SLC35F4: variants seen among roughly 807,000 people sequenced by gnomAD.
SLC35F4 encodes the protein solute carrier family 35 member F4.
In SLC35F4, 24 loss-of-function variants were observed where a neutral mutation model predicts 44.2. That is an observed-to-expected ratio of 0.54 (90% CI 0.39 to 0.76). The LOEUF (loss-of-function observed/expected upper bound fraction) is 0.76. SLC35F4 is among the 30% of genes least tolerant of loss of function. The pLI is 0.00. For synonymous variants in SLC35F4, 238 were observed against 223.6 expected, an observed-to-expected ratio of 1.06 and a Z score of -0.57; for missense variants, 562 against 586.1, an observed-to-expected ratio of 0.96 and a Z score of 0.42.
At chr14:57,773,763 T>C (rs1723915606) in intron 1 of SLC35F4, among the ~76,000 whole-genome samples, 2 of 152,214 alleles carry the variant, frequency 1.3e-5, no homozygotes, top group African/African-American at 4.8e-5. Flanking sequence ...TTCAGGTTAC[T>C]GTGAAAGTAC....
chr14:57,957,562 G>A (rs1202224848), intron 1 of SLC35F4, among the ~76,000 whole-genome samples: 1 of 152,114 alleles, frequency 6.6e-6, no homozygotes, highest in Admixed American at 6.5e-5. Context: ...AGACATGTAA[G>A]GAGCAGTGGA....
chr14:57,605,907 C>T (rs2071135253), intron 1 of SLC35F4, among the ~76,000 whole-genome samples: 1 of 152,084 alleles, frequency 6.6e-6, no homozygotes, highest in Non-Finnish European at 1.5e-5. Context: ...GGGAGCTAAA[C>T]ATTGTGTAGA....
intron 1 of SLC35F4, among the ~76,000 whole-genome samples, chr14:57,841,089 A>C (rs1174571588): frequency 3.3e-5 from 5 of 152,200 alleles, no homozygotes; most frequent in Admixed American, 3.3e-4. Flanking sequence ...TAGATTTTGC[A>C]ATGGAGAATA....
At chr14:57,776,795 T>C (rs78551794) in intron 1 of SLC35F4, among the ~76,000 whole-genome samples, 5,992 of 151,990 alleles carry the variant, frequency 0.039, 245 homozygotes, top group East Asian at 0.19. Context: ...TGAGGGCCTA[T>C]ATTCAAGATT....
chr14:57,938,002 A>C (rs1343314315), intron 1 of SLC35F4, among the ~76,000 whole-genome samples: 1 of 152,186 alleles, frequency 6.6e-6, no homozygotes, highest in Non-Finnish European at 1.5e-5. Context: ...CCACTCCCCA[A>C]GTAAGACCTA....
intron 1 of SLC35F4, among the ~76,000 whole-genome samples, chr14:57,943,893 G>A (rs114247972): frequency 6.6e-6 from 1 of 152,164 alleles, no homozygotes; most frequent in Admixed American, 6.5e-5. Context: ...TGAATTGGCA[G>A]GGCTGAAGAC....
intron 1 of SLC35F4, among the ~76,000 whole-genome samples, chr14:57,819,810 C>A (rs1452716386): frequency 7.6e-6 from 1 of 130,868 alleles, no homozygotes; most frequent in African/African-American, 3.2e-5. Context: ...AAGACCCCGT[C>A]TCAAAAAAAA....
chr14:57,975,492 C>T (rs937428732), downstream of SLC35F4, among the ~76,000 whole-genome samples: 1 of 152,232 alleles, frequency 6.6e-6, no homozygotes. Flanking sequence ...TTCTAACACA[C>T]TGCTGGATTG....
chr14:57,641,553 C>G (rs930024990), intron 1 of SLC35F4, among the ~76,000 whole-genome samples: 14 of 151,958 alleles, frequency 9.2e-5, no homozygotes, highest in Admixed American at 5.3e-4. Flanking sequence ...TAAGAAAACT[C>G]AAGACTTAAA....
intron 1 of SLC35F4, among the ~76,000 whole-genome samples, chr14:57,612,593 C>T (rs2071580088): frequency 6.6e-6 from 1 of 152,162 alleles, no homozygotes. Context: ...ATAGTCAGGG[C>T]TCTGTCTTAG....
intron 1 of SLC35F4, among the ~76,000 whole-genome samples, chr14:57,675,711 T>A (rs901494769): frequency 6.6e-6 from 1 of 152,064 alleles, no homozygotes; most frequent in Non-Finnish European, 1.5e-5. Context: ...TTGTTGAGGG[T>A]TTTTATCATA....
At chr14:57,595,468 A>G (rs556354929) in intron 1 of SLC35F4, among the ~76,000 whole-genome samples, 1 of 152,168 alleles carries the variant, frequency 6.6e-6, no homozygotes, top group African/African-American at 2.4e-5. Context: ...CCAGTCACTA[A>G]GTCCAGCCCA....
intron 1 of SLC35F4, among the ~76,000 whole-genome samples, chr14:57,746,029 A>G (rs766129876): frequency 6.6e-6 from 1 of 152,130 alleles, no homozygotes; most frequent in African/African-American, 2.4e-5. Context: ...TGGGAATTGA[A>G]CAATGAGAAC....
downstream of SLC35F4, among the ~76,000 whole-genome samples, chr14:57,973,434 CCTT>C (rs979318130): frequency 5.7e-4 from 87 of 152,284 alleles, no homozygotes; most frequent in African/African-American, 2.0e-3. Flanking sequence ...ACACACCTTA[CCTT>C]CTTCCCAAAA....
intron 1 of SLC35F4, among the ~76,000 whole-genome samples, chr14:57,788,682 G>T (rs2077830928): frequency 6.6e-6 from 1 of 151,928 alleles, no homozygotes; most frequent in Non-Finnish European, 1.5e-5. Flanking sequence ...ACATCTACAG[G>T]ACTCTCGACC....
chr14:57,886,560 G>A (rs1888650826), intron 1 of SLC35F4, among the ~76,000 whole-genome samples: 1 of 152,110 alleles, frequency 6.6e-6, no homozygotes, highest in South Asian at 2.1e-4. Context: ...AAAGAAAGAG[G>A]AATTAATATA....
intron 1 of SLC35F4, among the ~76,000 whole-genome samples, chr14:57,704,846 T>C (rs2075630467): frequency 6.6e-6 from 1 of 152,148 alleles, no homozygotes; most frequent in African/African-American, 2.4e-5. Context: ...ACTCCTTTCC[T>C]AGCAATACTC....
In SLC35F4 at chr14:57,943,605, G is replaced by A. The variant is rs11851080; in HGVS notation, n.282+38308C>T. The stretch of plus-strand genomic sequence containing the variant: ...TTACTGCCGAGTGTCATGATGTAAC[G>A]GGACTCTTCACCAATCTGCGACTTC... On this transcript the variant is annotated intron_variant and non_coding_transcript_variant, in intron 1 of 1. Transcript: ENST00000556568. 0.023 allele frequency among the ~76,000 whole-genome samples: 3,503 copies of A among 152,194 alleles called. 305 individuals carry two copies. In the East Asian group the frequency reaches 0.33, roughly 14 times the overall value.
chr14:57,845,203 G>A (rs1885900909), intron 1 of SLC35F4, among the ~76,000 whole-genome samples: 1 of 152,134 alleles, frequency 6.6e-6, no homozygotes, highest in Admixed American at 6.5e-5. Context: ...TTATAATTTT[G>A]ACTGCTTGTT....
Sources: gnomAD v4.1 joint callset for allele counts (sites outside exome capture counted in the v4.1 genomes callset) on GRCh38, gnomAD v4.1.1 for gene constraint, MANE v1.5 for transcripts, NCBI Gene and HGNC (gene_info 2026-07-23, HGNC 2026-07-21) for gene names.